NDUFAF6: variants seen among roughly 807,000 people sequenced by gnomAD.
NDUFAF6 encodes NADH dehydrogenase (ubiquinone) complex I, assembly factor 6.
NDUFAF6 carries 45 observed loss-of-function variants against 40.8 expected under a neutral mutation model. That is an observed-to-expected ratio of 1.10 (90% CI 0.87 to 1.42). The LOEUF is 1.42. NDUFAF6 is among the 40% of genes most tolerant of loss of function. The pLI is 0.00. For missense variants in NDUFAF6, 435 were observed against 418.5 expected (o/e 1.04, Z -0.34); for synonymous variants, 185 against 155.9 (o/e 1.19, Z -1.39).
chr8:94,922,117 C>T (rs1196611587), intron 1 of NDUFAF6, among the ~76,000 whole-genome samples: 1 of 151,910 alleles, frequency 6.6e-6, no homozygotes, highest in East Asian at 1.9e-4. Flanking sequence ...CAAGGATTCT[C>T]CTGCCTCAGC....
intron 2 of NDUFAF6, among the ~76,000 whole-genome samples, chr8:95,013,539 TCAGA>T (rs1827313206): frequency 6.6e-6 from 1 of 152,230 alleles, no homozygotes; most frequent in Non-Finnish European, 1.5e-5. Flanking sequence ...TATCTTAAAA[TCAGA>T]CAGCCTATTT....
At chr8:94,948,515 GGGACAGGCCGC>G (rs1298841765) in intron 2 of NDUFAF6, among the ~76,000 whole-genome samples, 2 of 152,226 alleles carry the variant, frequency 1.3e-5, no homozygotes, top group Non-Finnish European at 2.9e-5. Context: ...GGTCAAGCAA[GGGACAGGCCGC>G]GGACAGGCGG....
chr8:94,901,138 A>T (rs1287515052), intron 1 of NDUFAF6, among the ~76,000 whole-genome samples: 1 of 152,228 alleles, frequency 6.6e-6, no homozygotes, highest in Non-Finnish European at 1.5e-5. Context: ...AAGGAAGAAC[A>T]TCCTAAGCAG....
chr8:94,930,864 G>C (rs1417006147), intron 1 of NDUFAF6: 2 of 1,049,926 alleles, frequency 1.9e-6, no homozygotes, highest in East Asian at 2.6e-5. Flanking sequence ...ATGGCTGACA[G>C]ACAAGTTTAT....
intron 2 of NDUFAF6, among the ~76,000 whole-genome samples, chr8:95,093,919 T>C (rs1809351840): frequency 6.6e-6 from 1 of 152,234 alleles, no homozygotes; most frequent in Non-Finnish European, 1.5e-5. Flanking sequence ...CCTTCTTTTC[T>C]TTTGTTTTCT....
At chr8:95,100,912 A>T (rs1470841023) in intron 1 of NDUFAF6, among the ~76,000 whole-genome samples, 1 of 152,158 alleles carries the variant, frequency 6.6e-6, no homozygotes, top group Non-Finnish European at 1.5e-5. Context: ...CCCCAAGGTT[A>T]CCGTAAAAAG....
rs35674623 is a variant in NDUFAF6, at chr8:94,981,927, C to CA, written c.-84+972dup. Among the ~76,000 whole-genome samples the CA allele has an allele frequency of 9.0e-3, 841 of 93,466 alleles. 11 individuals carry two copies. The highest frequency in any genetic ancestry group is 0.084 in the East Asian group (296 of 3,538). 61.3% of individuals were successfully genotyped at this position (93,466 alleles called of 152,430 possible). ...TAAATGACAGAGTGAGACCCTGTCT[C>CA]AAAAAAAAAAAAAAAAAATTGGCCA... On this transcript the variant is annotated intron_variant, in intron 2 of 9. Transcript: ENST00000396111.
intron 1 of NDUFAF6, among the ~76,000 whole-genome samples, chr8:94,960,033 T>C (rs1823437346): frequency 6.6e-6 from 1 of 152,240 alleles, no homozygotes; most frequent in Non-Finnish European, 1.5e-5. Flanking sequence ...AACAGATCGA[T>C]CAATGAGTAA....
intron 1 of NDUFAF6, among the ~76,000 whole-genome samples, chr8:94,970,909 T>G (rs1160693250): frequency 1.3e-5 from 2 of 152,220 alleles, no homozygotes; most frequent in Non-Finnish European, 2.9e-5. Context: ...CTCGAACTCC[T>G]GGCCTCAAGC....
At chr8:94,932,094 A>G (rs1251489543) in intron 1 of NDUFAF6, 1 of 1,610,636 alleles carries the variant, frequency 6.2e-7, no homozygotes, top group Non-Finnish European at 8.5e-7. Context: ...TCTTATAAGC[A>G]GCTTTTCCTG....
At chr8:95,092,095 C>T (rs531229660) in intron 2 of NDUFAF6, among the ~76,000 whole-genome samples, 10 of 151,920 alleles carry the variant, frequency 6.6e-5, no homozygotes, top group South Asian at 4.2e-4. Flanking sequence ...CACTGCACTC[C>T]GAGTTTTGAG....
intron 2 of NDUFAF6, among the ~76,000 whole-genome samples, chr8:95,007,113 C>T (rs1194659671): frequency 1.3e-5 from 2 of 152,072 alleles, no homozygotes; most frequent in Non-Finnish European, 2.9e-5. Flanking sequence ...CAAAAACGCT[C>T]CTGCTACCTC....
At chr8:94,949,621 C>A (rs984596352) in intron 2 of NDUFAF6, among the ~76,000 whole-genome samples, 3 of 151,298 alleles carry the variant, frequency 2.0e-5, no homozygotes, top group African/African-American at 4.9e-5. Context: ...AGGGGCTAGG[C>A]CGGGGAGGGA....
intron 2 of NDUFAF6, among the ~76,000 whole-genome samples, chr8:95,093,785 G>A (rs1809347773): frequency 1.3e-5 from 2 of 152,192 alleles, no homozygotes. Flanking sequence ...TATAGGCAAT[G>A]TCCTTATAAC....
intron 1 of NDUFAF6, among the ~76,000 whole-genome samples, chr8:94,943,946 G>C (rs183911902): frequency 7.1e-4 from 108 of 152,292 alleles, no homozygotes; most frequent in Non-Finnish European, 1.6e-4. Context: ...GAAGAAAAGT[G>C]TAGTTTGTTT....
At chr8:94,998,373 A>G (rs1387898924) in intron 2 of NDUFAF6, among the ~76,000 whole-genome samples, 1 of 145,472 alleles carries the variant, frequency 6.9e-6, no homozygotes, top group African/African-American at 2.6e-5. Flanking sequence ...ATTCTCTGCA[A>G]TCAAATACAC....
chr8:95,031,973 CTTT>C lies in NDUFAF6; in HGVS notation c.198-16_198-14del, dbSNP rs745939417. 34 of 1,594,224 alleles carry C rather than the reference CTTT, an allele frequency of 2.1e-5. No homozygotes were observed. The South Asian group carries it at 3.6e-4, about 17-fold the overall frequency. ...AGCTTGGAAAGTGAAGAGTAACTGT[CTTT>C]TTTTTCTGTCTGTTACAGGAAACGG... is the stretch of plus-strand genomic sequence containing the variant. On this transcript the variant is annotated intron_variant, in intron 1 of 8. Transcript: ENST00000396124.
intron 1 of NDUFAF6, among the ~76,000 whole-genome samples, chr8:94,972,949 C>T (rs1824598293): frequency 6.6e-6 from 1 of 152,050 alleles, no homozygotes; most frequent in African/African-American, 2.4e-5. Flanking sequence ...TGGTGCCTCA[C>T]ATCTGTAATC....
intron 9 of NDUFAF6, chr8:95,069,045 T>G (rs1161792315): frequency 6.6e-6 from 1 of 151,964 alleles, no homozygotes; most frequent in Non-Finnish European, 1.5e-5. Context: ...TTCAGCCATC[T>G]TCAAGCTGGT....
Sources: gnomAD v4.1 joint callset for allele counts (sites outside exome capture counted in the v4.1 genomes callset) on GRCh38, gnomAD v4.1.1 for gene constraint, MANE v1.5 for transcripts, NCBI Gene and HGNC (gene_info 2026-07-23, HGNC 2026-07-21) for gene names.